Variants in HSPBAP1 observed in about 807,000 individuals in gnomAD.
HSPBAP1 encodes the protein HSPB1-associated protein 1.
Under a neutral mutation model 45.2 loss-of-function variants are expected in HSPBAP1, and 27 were observed. The observed-to-expected ratio is 0.60, with a 90% CI of 0.44 to 0.82. The LOEUF (loss-of-function observed/expected upper bound fraction) is 0.82. Among genes scored for constraint, HSPBAP1 ranks in the 40% least tolerant of loss-of-function variants. The pLI is 0.00. For missense variants in HSPBAP1, 510 were observed against 590.9 expected (o/e 0.86, Z 1.42); for synonymous variants, 204 against 202.7 (o/e 1.01, Z -0.06).
chr3:122,761,840 GCA>G (rs1235105254), intron 3 of HSPBAP1: 2 of 150,354 alleles, frequency 1.3e-5, no homozygotes, highest in Non-Finnish European at 3.0e-5. Context: ...AAAATAGACA[GCA>G]TTGAGAGTTG....
intron 1 of HSPBAP1, among the ~76,000 whole-genome samples, chr3:122,788,150 A>G (rs2107544404): frequency 6.6e-6 from 1 of 152,274 alleles, no homozygotes; most frequent in East Asian, 1.9e-4. Context: ...AAGGTTCATG[A>G]GCCTTTTAGC....
chr3:122,780,860 T>C (rs1576272650), intron 1 of HSPBAP1, among the ~76,000 whole-genome samples: 3 of 131,306 alleles, frequency 2.3e-5, no homozygotes, highest in Non-Finnish European at 3.4e-5. Context: ...GCAGAGACGC[T>C]CCTCACCTCC....
At chr3:122,771,125 TA>T (rs1354267614) in intron 2 of HSPBAP1, among the ~76,000 whole-genome samples, 3 of 152,224 alleles carry the variant, frequency 2.0e-5, no homozygotes, top group Admixed American at 6.5e-5. Context: ...AAAAATTACA[TA>T]CGAGAACTGT....
At chr3:122,760,123 G>A (rs933667676) in intron 3 of HSPBAP1, among the ~76,000 whole-genome samples, 1 of 152,184 alleles carries the variant, frequency 6.6e-6, no homozygotes, top group Non-Finnish European at 1.5e-5. Context: ...CTCTCCATAT[G>A]CCTGGTTCTG....
intron 6 of HSPBAP1, among the ~76,000 whole-genome samples, chr3:122,746,382 T>C (rs1188146491): frequency 7.2e-6 from 1 of 138,920 alleles, no homozygotes; most frequent in Non-Finnish European, 1.6e-5. Context: ...AGAAAAACCC[T>C]GCAAAACAAA....
chr3:122,770,390 T>C (rs1356630029), intron 2 of HSPBAP1, among the ~76,000 whole-genome samples: 2 of 152,164 alleles, frequency 1.3e-5, no homozygotes, highest in Non-Finnish European at 2.9e-5. Flanking sequence ...ACAATCAATA[T>C]ACATAAACTC....
At chr3:122,742,713 C>T (rs1933710744) in intron 6 of HSPBAP1, among the ~76,000 whole-genome samples, 1 of 152,182 alleles carries the variant, frequency 6.6e-6, no homozygotes, top group African/African-American at 2.4e-5. Flanking sequence ...AGTTGAAGTC[C>T]TTAAGAGCAA....
chr3:122,743,478 A>G (rs972879054), intron 6 of HSPBAP1, among the ~76,000 whole-genome samples: 48 of 152,124 alleles, frequency 3.2e-4, no homozygotes, highest in African/African-American at 1.1e-3. Context: ...AAGCAGGAGA[A>G]TTGCCTGAAC....
At chr3:122,764,455 T>C (rs951742949) in intron 3 of HSPBAP1, among the ~76,000 whole-genome samples, 6 of 152,222 alleles carry the variant, frequency 3.9e-5, no homozygotes, top group African/African-American at 1.4e-4. Flanking sequence ...TAGCCTCTAC[T>C]TGAAGTTTCC....
intron 4 of HSPBAP1, among the ~76,000 whole-genome samples, chr3:122,755,744 T>C (rs1934331395): frequency 6.6e-6 from 1 of 152,012 alleles, no homozygotes; most frequent in Non-Finnish European, 1.5e-5. Context: ...AATCAAAGTC[T>C]GCCTTCTCAT....
chr3:122,749,858 C>T (rs1347853045), intron 6 of HSPBAP1, among the ~76,000 whole-genome samples: 2 of 152,018 alleles, frequency 1.3e-5, no homozygotes, highest in African/African-American at 2.4e-5. Context: ...GATCTGCCCG[C>T]CTCGGCCTCC....
intron 2 of HSPBAP1, among the ~76,000 whole-genome samples, chr3:122,770,439 C>T (rs1378261594): frequency 6.6e-6 from 1 of 152,174 alleles, no homozygotes; most frequent in Non-Finnish European, 1.5e-5. Context: ...TGGAACATGC[C>T]TATAATCCCA....
At chr3:122,766,423 T>C (rs1370394521) in intron 3 of HSPBAP1, among the ~76,000 whole-genome samples, 1 of 152,204 alleles carries the variant, frequency 6.6e-6, no homozygotes, top group African/African-American at 2.4e-5. Context: ...TTAATGGACT[T>C]GGTTATTCAT....
chr3:122,750,776 C>T (rs1934108538), intron 6 of HSPBAP1, among the ~76,000 whole-genome samples: 1 of 152,144 alleles, frequency 6.6e-6, no homozygotes, highest in Non-Finnish European at 1.5e-5. Flanking sequence ...AGCCAGGATA[C>T]ACTCAAAGTC....
At chr3:122,779,623 T>C (rs995375175) in intron 1 of HSPBAP1, among the ~76,000 whole-genome samples, 9 of 150,820 alleles carry the variant, frequency 6.0e-5, no homozygotes, top group Non-Finnish European at 1.5e-5. Flanking sequence ...TGAACAAAGG[T>C]CTCTGGTTTT....
At chr3:122,778,628 C>G (rs907523938) in intron 1 of HSPBAP1, among the ~76,000 whole-genome samples, 1 of 151,630 alleles carries the variant, frequency 6.6e-6, no homozygotes, top group Admixed American at 6.6e-5. Context: ...CTCCCAGGTT[C>G]ACGCCGTTCT....
chr3:122,749,390 CTGAAACAAAT>C (rs1031587081), intron 6 of HSPBAP1, among the ~76,000 whole-genome samples: 7 of 152,110 alleles, frequency 4.6e-5, no homozygotes, highest in Non-Finnish European at 7.4e-5. Flanking sequence ...TGAAAACAAA[CTGAAACAAAT>C]GAACTTAACT....
At chr3:122,752,129 A>T (rs531947171) in intron 6 of HSPBAP1, among the ~76,000 whole-genome samples, 1 of 152,374 alleles carries the variant, frequency 6.6e-6, no homozygotes, top group South Asian at 2.1e-4. Context: ...AAATGAAATG[A>T]TAAAAACCTA....
rs771056299 is a variant in HSPBAP1, at chr3:122,758,875, T to C, written c.569+349A>G. On this transcript the variant is annotated intron_variant, in intron 4 of 7. Coordinates refer to ENST00000306103, the MANE Select transcript of HSPBAP1 (RefSeq NM_024610.6). ...CAGCCTGGGCAACAGAGCAAGACTG[T>C]CTCAAATGTCTCTAATTTACCAAAA... 1.5e-4 allele frequency: 52 copies of C among 347,094 alleles called. 1 individual carries two copies. Among genetic ancestry groups the C allele is most frequent in the South Asian group, 1.1e-3 (50 of 47,106 alleles). 21.5% of individuals were successfully genotyped at this position (347,094 alleles called of 1,614,324 possible). A position where few individuals can be genotyped will look rare whatever the true frequency, so the allele number is the denominator to read the frequency against.
Sources: allele counts gnomAD v4.1 joint callset (sites outside exome capture counted in the v4.1 genomes callset), GRCh38; gene constraint gnomAD v4.1.1; transcripts MANE v1.5; gene names NCBI Gene and HGNC (gene_info 2026-07-23, HGNC 2026-07-21).